COL25A1: variants seen among roughly 807,000 people sequenced by gnomAD.
COL25A1 encodes the protein collagen alpha-1(XXV) chain.
In COL25A1, 103 loss-of-function variants were observed where a neutral mutation model predicts 128.4. The observed-to-expected ratio is 0.80, with a 90% confidence interval of 0.68 to 0.94. The LOEUF is 0.94. Ranked by LOEUF, COL25A1 falls within the 40% of genes least tolerant of loss-of-function variation. The pLI, the probability that COL25A1 is intolerant of heterozygous loss-of-function variation, is 0.00. For synonymous variants in COL25A1, 279 were observed against 277.2 expected, an observed-to-expected ratio of 1.01 and a Z score of -0.06; for missense variants, 745 against 840.0, an observed-to-expected ratio of 0.89 and a Z score of 1.40.
Position 109,302,470 on chromosome 4 carries a change from C to T in COL25A1, c.-358G>A. The T allele has an allele frequency of 5.7e-6, 1 of 174,814 alleles. No homozygotes were observed. The highest frequency in any genetic ancestry group is 1.2e-5 in the Non-Finnish European group (1 of 83,572). 10.8% of individuals were successfully genotyped at this position (174,814 alleles called of 1,614,324 possible). On this transcript the variant is annotated 5_prime_UTR_variant, in exon 1 of 38. Transcript: ENST00000399132. ...CTCTGTGAGTTTGCCTTATTTCTAC[C>T]TACTCGGTGTCTTTCGGCACGCCGA...
chr4:109,197,442 TA>T (rs538623381), intron 3 of COL25A1, among the ~76,000 whole-genome samples: 2,561 of 123,040 alleles, frequency 0.021, 48 homozygotes, highest in Middle Eastern at 0.046. Flanking sequence ...TATTATATAT[TA>T]TATATATTAT....
intron 3 of COL25A1, among the ~76,000 whole-genome samples, chr4:109,067,579 AGGAAG>A (rs1269529226): frequency 6.6e-6 from 1 of 152,250 alleles, no homozygotes; most frequent in African/African-American, 2.4e-5. Context: ...TTAGGATATC[AGGAAG>A]CACAGTGGAA....
At chr4:109,147,965 C>T (rs552335779) in intron 3 of COL25A1, among the ~76,000 whole-genome samples, 1 of 152,218 alleles carries the variant, frequency 6.6e-6, no homozygotes, top group African/African-American at 2.4e-5. Flanking sequence ...AGGTCAGGAT[C>T]GCTGAGCTAA....
At chr4:109,296,600 T>G (rs1725015433) in intron 3 of COL25A1, among the ~76,000 whole-genome samples, 1 of 152,104 alleles carries the variant, frequency 6.6e-6, no homozygotes, top group South Asian at 2.1e-4. Context: ...AAATCATTCT[T>G]GTCCAGCACT....
At chr4:109,072,694 T>C (rs2125984589) in intron 3 of COL25A1, among the ~76,000 whole-genome samples, 1 of 152,322 alleles carries the variant, frequency 6.6e-6, no homozygotes, top group African/African-American at 2.4e-5. Context: ...GTTTTCTTTC[T>C]GAAACCTTTT....
At chr4:109,020,562 CATG>C (rs1346753685) in intron 5 of COL25A1, among the ~76,000 whole-genome samples, 2 of 151,414 alleles carry the variant, frequency 1.3e-5, no homozygotes, top group Non-Finnish European at 2.9e-5. Flanking sequence ...AGATTTCTTC[CATG>C]ATATTTGCTT....
chr4:108,853,358 T>G (rs1736042289), intron 24 of COL25A1, among the ~76,000 whole-genome samples: 1 of 145,746 alleles, frequency 6.9e-6, no homozygotes, highest in African/African-American at 2.5e-5. Flanking sequence ...ATTTGTTGCA[T>G]TAAAACTAAC....
intron 6 of COL25A1, among the ~76,000 whole-genome samples, chr4:108,976,503 C>T (rs1232035411): frequency 6.6e-6 from 1 of 152,206 alleles, no homozygotes; most frequent in Non-Finnish European, 1.5e-5. Context: ...TCTAGAGGCA[C>T]TGATACATTT....
intron 34 of COL25A1, among the ~76,000 whole-genome samples, 149 bp downstream of exon 34, chr4:108,825,033 GCAAACACTAGTGTA>G (rs2125715205): frequency 6.6e-6 from 1 of 152,048 alleles, no homozygotes; most frequent in Admixed American, 6.5e-5. Context: ...TTTATCTCAT[GCAAACACTAGTGTA>G]TTTTATATTG....
At chr4:108,989,506 T>C (rs1436677248) in intron 6 of COL25A1, among the ~76,000 whole-genome samples, 1 of 152,254 alleles carries the variant, frequency 6.6e-6, no homozygotes, top group Non-Finnish European at 1.5e-5. Context: ...CTTTGACTTG[T>C]CTTCAATTCT....
At chr4:109,126,867 C>T (rs919108038) in intron 3 of COL25A1, among the ~76,000 whole-genome samples, 20 of 151,354 alleles carry the variant, frequency 1.3e-4, no homozygotes, top group Middle Eastern at 3.4e-3. Flanking sequence ...TGTAACTAAC[C>T]GGCACATTGT....
chr4:109,010,133 A>G (rs1756433973), intron 6 of COL25A1, among the ~76,000 whole-genome samples: 2 of 152,330 alleles, frequency 1.3e-5, no homozygotes, highest in East Asian at 1.9e-4. Flanking sequence ...TTTGCTTTAT[A>G]TGATAGTACA....
rs768044846 is a variant in COL25A1 at position 108,810,697 on chromosome 4, A to C, written c.*3230T>G. 6.6e-6 allele frequency: 1 copy of C among 152,010 alleles called. No homozygotes were observed. The highest frequency in any genetic ancestry group is 6.6e-5 in the Admixed American group (1 of 15,248). The allele number at this position is 152,010 out of a possible 1,614,324, so 9.4% of individuals were successfully genotyped here. A position where few individuals can be genotyped will look rare whatever the true frequency, so the allele number is the denominator to read the frequency against. Reference sequence around the variant, plus strand: ...ATAAAGGCATATGATGTATGAAATGAATATGAAATAGGAGGATCCATGATC... The same window carrying C: ...ATAAAGGCATATGATGTATGAAATGCATATGAAATAGGAGGATCCATGATC... On this transcript the variant is annotated 3_prime_UTR_variant, in exon 38 of 38. Coordinates refer to ENST00000399132, the MANE Select transcript of COL25A1 (RefSeq NM_198721.4).
At chr4:109,227,861 C>T (rs991767275) in intron 3 of COL25A1, among the ~76,000 whole-genome samples, 6 of 152,056 alleles carry the variant, frequency 3.9e-5, no homozygotes, top group Admixed American at 1.3e-4. Flanking sequence ...TGAGAAGTCC[C>T]AAGACAGGTC....
intron 16 of COL25A1, 40 bp downstream of exon 16, chr4:108,896,627 T>C: frequency 6.3e-7 from 1 of 1,576,180 alleles, no homozygotes; most frequent in Non-Finnish European, 8.7e-7. Flanking sequence ...GTATATTTCT[T>C]GCTCACATAT....
intron 15 of COL25A1, among the ~76,000 whole-genome samples, chr4:108,897,865 G>A (rs1035592262): frequency 6.6e-6 from 1 of 152,014 alleles, no homozygotes; most frequent in African/African-American, 2.4e-5. Flanking sequence ...AGTCTGCCTG[G>A]GCATTTGTTT....
At chr4:108,860,687 G>A (rs112488325) in intron 23 of COL25A1, among the ~76,000 whole-genome samples, 7 of 152,164 alleles carry the variant, frequency 4.6e-5, no homozygotes, top group African/African-American at 1.7e-4. Context: ...AAGTAGACAG[G>A]GGGAGTTCTT....
chr4:109,121,506 CAACTA>C (rs1409698863), intron 3 of COL25A1, among the ~76,000 whole-genome samples: 1 of 151,936 alleles, frequency 6.6e-6, no homozygotes, highest in Non-Finnish European at 1.5e-5. Context: ...AAACAGATGA[CAACTA>C]AACATATGAA....
intron 3 of COL25A1, among the ~76,000 whole-genome samples, chr4:109,230,750 G>A (rs1308982487): frequency 6.6e-6 from 1 of 152,188 alleles, no homozygotes; most frequent in Non-Finnish European, 1.5e-5. Context: ...GAGAAGAAAT[G>A]GAGGTAGGTG....
Sources: allele counts gnomAD v4.1 joint callset (sites outside exome capture counted in the v4.1 genomes callset), GRCh38; gene constraint gnomAD v4.1.1; transcripts MANE v1.5; gene names NCBI Gene and HGNC (gene_info 2026-07-23, HGNC 2026-07-21).